HNRNPD: variants seen among roughly 807,000 people sequenced by gnomAD.
HNRNPD encodes heterogeneous nuclear ribonucleoprotein D, also known as heterogeneous nuclear ribonucleoprotein D0.
A neutral mutation model predicts 47.9 loss-of-function variants in HNRNPD; 3 were observed. The observed-to-expected ratio is 0.06, with a 90% CI of 0.03 to 0.16. HNRNPD has a LOEUF of 0.16. Ranked by LOEUF, HNRNPD falls within the 10% of genes least tolerant of loss-of-function variation. The pLI, the probability that HNRNPD is intolerant of heterozygous loss-of-function variation, is 1.00. For synonymous variants in HNRNPD, 171 were observed against 165.1 expected (o/e 1.04, Z -0.28); for missense variants, 287 against 454.2 (o/e 0.63, Z 3.35).
chr4:82,363,032 A>ATGTG (rs71666730), intron 2 of HNRNPD, among the ~76,000 whole-genome samples: 33,376 of 148,666 alleles, frequency 0.22, 3,925 homozygotes, highest in African/African-American at 0.3. Context: ...TTATATATAT[A>ATGTG]TGTGTGTGTG....
At chr4:82,373,281 T>C (rs936095870) in intron 1 of HNRNPD, 165 bp downstream of exon 1, 9 of 912,428 alleles carry the variant, frequency 9.9e-6, no homozygotes, top group Non-Finnish European at 1.5e-5. Flanking sequence ...AAGAAGGAAA[T>C]GAAGGTCCGG....
chr4:82,364,597 T>C (rs1167390782), intron 2 of HNRNPD, among the ~76,000 whole-genome samples: 2 of 152,178 alleles, frequency 1.3e-5, no homozygotes, highest in African/African-American at 4.8e-5. Flanking sequence ...TATAAACATA[T>C]TCTAATATTT....
chr4:82,359,394 A>T, intron 3 of HNRNPD, 77 bp downstream of exon 3: 1 of 1,069,014 alleles, frequency 9.4e-7, no homozygotes, highest in Non-Finnish European at 1.3e-6. Flanking sequence ...AACCACAAAT[A>T]GGCAAACTCA....
At chr4:82,373,408 T>C (rs774796069) in intron 1 of HNRNPD, 38 bp downstream of exon 1, 5 of 1,541,008 alleles carry the variant, frequency 3.2e-6, no homozygotes, top group Admixed American at 3.9e-5. Flanking sequence ...GGAGGGGGAC[T>C]AGTTGGGCCT....
In HNRNPD at chr4:82,371,385, T is replaced by A. The variant is rs992690597; in HGVS notation, c.290+143A>T. Reference sequence around the variant, plus strand: ...GATTACACATGATGCCTATAAAAGGTATATATCCCAGGTACAAACCTACTG... The same window carrying A: ...GATTACACATGATGCCTATAAAAGGAATATATCCCAGGTACAAACCTACTG... On this transcript the variant is annotated intron_variant, in intron 2 of 8. Coordinates refer to ENST00000313899, the MANE Select transcript of HNRNPD (RefSeq NM_031370.3). The A allele has an allele frequency of 3.0e-5, 17 of 562,060 alleles. No individual in the cohort carries two copies. The South Asian group carries it at 4.4e-4, about 14-fold the overall frequency. 34.8% of individuals were successfully genotyped at this position (562,060 alleles called of 1,614,324 possible).
At chr4:82,359,319 CCT>C (rs1402740973) in intron 3 of HNRNPD, 150 bp downstream of exon 3, 7 of 448,158 alleles carry the variant, frequency 1.6e-5, no homozygotes, top group Non-Finnish European at 1.9e-5. Context: ...CCTGAACCTA[CCT>C]CTATCTTCAT....
At chr4:82,372,361 G>A (rs555745455) in intron 1 of HNRNPD, among the ~76,000 whole-genome samples, 5 of 152,120 alleles carry the variant, frequency 3.3e-5, no homozygotes, top group African/African-American at 1.2e-4. Context: ...TATTTCAATT[G>A]GAGGAAGCAA....
intron 2 of HNRNPD, among the ~76,000 whole-genome samples, chr4:82,361,724 T>C (rs1020515943): frequency 1.3e-5 from 2 of 152,216 alleles, no homozygotes; most frequent in African/African-American, 4.8e-5. Flanking sequence ...GAATGAGGTA[T>C]GTGGTATTAT....
Position 82,353,594 on chromosome 4 carries a change from C to T in HNRNPD, c.*591G>A, listed in dbSNP as rs1723597232. On this transcript the variant is annotated 3_prime_UTR_variant, in exon 9 of 9. Coordinates refer to ENST00000313899, the MANE Select transcript of HNRNPD (RefSeq NM_031370.3). ...AAAATATTCATATAAATCTTAATGGCTACATAAGGAAGTATTATTAAAACA... is the reference window on the plus strand; with the variant it reads ...AAAATATTCATATAAATCTTAATGGTTACATAAGGAAGTATTATTAAAACA... The T allele has an allele frequency of 6.6e-6, 1 of 152,576 alleles. No individual in the cohort carries two copies. Among genetic ancestry groups the T allele is most frequent in the Non-Finnish European group, 1.5e-5 (1 of 68,026 alleles). The allele number at this position is 152,576 out of a possible 1,614,324, so 9.5% of individuals were successfully genotyped here.
At chr4:82,365,125 T>C (rs1045254417) in intron 2 of HNRNPD, among the ~76,000 whole-genome samples, 11 of 152,126 alleles carry the variant, frequency 7.2e-5, no homozygotes, top group African/African-American at 2.7e-4. Context: ...CTCCTGGACA[T>C]AGCGATCAGC....
chr4:82,372,797 G>C (rs1720124597), intron 1 of HNRNPD, among the ~76,000 whole-genome samples: 1 of 152,202 alleles, frequency 6.6e-6, no homozygotes, highest in African/African-American at 2.4e-5. Flanking sequence ...AATTTGGTCT[G>C]CATGTCAAAA....
At position 82,357,298 on chromosome 4, in the gene HNRNPD, G is replaced by A. The variant is rs373598523; in HGVS notation, c.753+15C>T. On this transcript the variant is annotated intron_variant, in intron 5 of 8. Transcript: ENST00000313899. Reference sequence around the variant, plus strand: ...CAGCTAGTTTTCTCTACAAGTAAATGGATGCTTAACTTACTTTACTAAGAC... The same window carrying A: ...CAGCTAGTTTTCTCTACAAGTAAATAGATGCTTAACTTACTTTACTAAGAC... 11 of 1,599,266 alleles carry A rather than the reference G, an allele frequency of 6.9e-6. No individual in the cohort carries two copies. The highest frequency in any genetic ancestry group is 8.5e-6 in the Non-Finnish European group (10 of 1,174,368).
chr4:82,372,632 T>G (rs1252794010), intron 1 of HNRNPD, among the ~76,000 whole-genome samples: 2 of 152,096 alleles, frequency 1.3e-5, no homozygotes, highest in Admixed American at 1.3e-4. Context: ...GGTGCGCGGT[T>G]AGAATAACTC....
chr4:82,372,549 T>G (rs532250838), intron 1 of HNRNPD, among the ~76,000 whole-genome samples: 15 of 152,040 alleles, frequency 9.9e-5, no homozygotes, highest in African/African-American at 2.9e-4. Context: ...TGTAAAAAAT[T>G]AGGTTGCACA....
rs1723620018 is a variant in HNRNPD, at chr4:82,354,089, G to A, written c.*96C>T. On this transcript the variant is annotated 3_prime_UTR_variant, in exon 9 of 9. Transcript: ENST00000313899. ...TGATACAAAAAATTTAGTTTGAACTGCTATTAGCAGGTGGCAGGAGCCACC... is the reference window on the plus strand; with the variant it reads ...TGATACAAAAAATTTAGTTTGAACTACTATTAGCAGGTGGCAGGAGCCACC... 1.3e-5 allele frequency: 2 copies of A among 152,654 alleles called. No homozygotes were observed. Among genetic ancestry groups the A allele is most frequent in the Admixed American group, 1.3e-4 (2 of 15,284 alleles). 9.5% of individuals were successfully genotyped at this position (152,654 alleles called of 1,614,324 possible).
chr4:82,363,987 C>T (rs1220219013), intron 2 of HNRNPD, among the ~76,000 whole-genome samples: 12 of 152,034 alleles, frequency 7.9e-5, no homozygotes. Flanking sequence ...CTACTGCTGC[C>T]TTTTTTTAAG....
chr4:82,358,928 T>C, intron 3 of HNRNPD, 108 bp from the exon 4 acceptor site: 2 of 815,418 alleles, frequency 2.5e-6, no homozygotes, highest in Non-Finnish European at 3.8e-6. Context: ...CAAGCATATG[T>C]TGACTTGCTC....
chr4:82,371,358 A>G (rs1188804233), intron 2 of HNRNPD, among the ~76,000 whole-genome samples, 170 bp downstream of exon 2: 1 of 152,206 alleles, frequency 6.6e-6, no homozygotes, highest in African/African-American at 2.4e-5. Flanking sequence ...ATTTTGCCCA[A>G]AGATTACACA....
chr4:82,358,197 T>G (rs1452034843), intron 4 of HNRNPD: 1 of 153,526 alleles, frequency 6.5e-6, no homozygotes, highest in Non-Finnish European at 1.4e-5. Flanking sequence ...ATCCACCCAC[T>G]TCGGCCTCCC....
Sources: allele counts gnomAD v4.1 joint callset (sites outside exome capture counted in the v4.1 genomes callset), GRCh38; gene constraint gnomAD v4.1.1; transcripts MANE v1.5; gene names NCBI Gene and HGNC (gene_info 2026-07-23, HGNC 2026-07-21).